Variants in ERAP2 observed in about 807,000 individuals in gnomAD.
ERAP2 encodes leukocyte-derived arginine aminopeptidase.
A neutral mutation model predicts 111.1 loss-of-function variants in ERAP2; 118 were observed. The observed-to-expected ratio is 1.06, with a 90% CI of 0.92 to 1.24. The LOEUF is 1.24. Ranked by LOEUF, ERAP2 falls within the 50% of genes most tolerant of loss-of-function variation. ERAP2 has a pLI of 0.00. For synonymous variants in ERAP2, 410 were observed against 401.2 expected (o/e 1.02, Z -0.26); for missense variants, 1,131 against 1,125.8 (o/e 1.00, Z -0.07).
intron 18 of ERAP2, among the ~76,000 whole-genome samples, chr5:96,916,150 G>C (rs915309164): frequency 6.6e-6 from 1 of 152,014 alleles, no homozygotes; most frequent in Non-Finnish European, 1.5e-5. Context: ...GGACCCAGGA[G>C]GCGGAGGTTG....
chr5:96,892,600 G>A, intron 6 of ERAP2, 147 bp downstream of exon 6: 1 of 854,920 alleles, frequency 1.2e-6, no homozygotes, highest in Non-Finnish European at 1.8e-6. Flanking sequence ...ACGTCAAGTA[G>A]CACAGTACTC....
intron 2 of ERAP2, chr5:96,881,303 GGGCCA>G (rs1282044544): frequency 2.4e-6 from 1 of 408,950 alleles, no homozygotes; most frequent in Non-Finnish European, 4.9e-6. Context: ...ATGCTAATTT[GGGCCA>G]GGCTAGTGGC....
intron 3 of ERAP2, 141 bp downstream of exon 3, chr5:96,884,071 T>A: frequency 1.8e-6 from 1 of 562,478 alleles, no homozygotes; most frequent in Non-Finnish European, 2.9e-6. Context: ...TCTATCTATC[T>A]ATCTATCTAT....
At chr5:96,899,450 A>T (rs1785220356) in intron 9 of ERAP2, among the ~76,000 whole-genome samples, 1 of 152,226 alleles carries the variant, frequency 6.6e-6, no homozygotes. Context: ...CTTGAGAATG[A>T]GAAGAATTAG....
intron 4 of ERAP2, among the ~76,000 whole-genome samples, chr5:96,887,214 A>G (rs1287310272): frequency 6.6e-6 from 1 of 151,624 alleles, no homozygotes; most frequent in Non-Finnish European, 1.5e-5. Flanking sequence ...ATGTCATTTA[A>G]AATTTTAAAT....
chr5:96,885,197 A>G (rs958329435), intron 3 of ERAP2, among the ~76,000 whole-genome samples: 2 of 152,060 alleles, frequency 1.3e-5, no homozygotes, highest in African/African-American at 4.8e-5. Flanking sequence ...TCACAGCCTC[A>G]CGCCTCTGCC....
chr5:96,886,670 C>T lies in ERAP2; in HGVS notation c.730C>T (p.Leu244Phe). ...SNMPKVKTIE[L>F]EGGLLEDHFE... ...CTTTCTGTAGGTTAAGACAATTGAACTTGAAGGAGGTCTTTTGGAAGATCA... is the reference window on the plus strand; with the variant it reads ...CTTTCTGTAGGTTAAGACAATTGAATTTGAAGGAGGTCTTTTGGAAGATCA... Residue 244 changes from leucine (L) to phenylalanine (F), a missense_variant, in exon 4 of 19, where the codon CTT becomes TTT. Physicochemically the swap from Leu to Phe is conservative, Grantham distance 22. Coordinates refer to ENST00000437043, the MANE Select transcript of ERAP2 (RefSeq NM_022350.5). 6.5e-7 allele frequency: 1 copy of T among 1,536,908 alleles called. No individual in the cohort carries two copies. The highest frequency in any genetic ancestry group is 8.9e-7 in the Non-Finnish European group (1 of 1,127,400).
chr5:96,903,607 AC>A, intron 13 of ERAP2, 47 bp downstream of exon 13: 1 of 1,505,588 alleles, frequency 6.6e-7, no homozygotes, highest in Non-Finnish European at 9.0e-7. Context: ...CTGATTCGTA[AC>A]CAGATATGCT....
intron 9 of ERAP2, among the ~76,000 whole-genome samples, chr5:96,899,357 T>C (rs978088375): frequency 6.6e-6 from 1 of 152,216 alleles, no homozygotes; most frequent in Non-Finnish European, 1.5e-5. Context: ...AAGGGCCCTG[T>C]AGTATTAAAA....
At chr5:96,909,486 T>C (rs1581897034) in intron 14 of ERAP2, 94 bp from the exon 15 acceptor site, 2 of 925,722 alleles carry the variant, frequency 2.2e-6, no homozygotes, top group African/African-American at 1.6e-5. Flanking sequence ...TTGGGAAAGA[T>C]GCAGAAAGTT....
chr5:96,902,244 G>C, intron 11 of ERAP2, 30 bp from the exon 12 acceptor site: 1 of 1,454,294 alleles, frequency 6.9e-7, no homozygotes, highest in African/African-American at 1.4e-5. Flanking sequence ...CATTCTTTTG[G>C]TCTGTAACTA....
In ERAP2 at chr5:96,879,841, T is replaced by C; in HGVS notation, c.156T>C (p.Ala52=). The C allele has an allele frequency of 1.9e-6, 3 of 1,614,098 alleles. No individual in the cohort carries two copies. Among genetic ancestry groups the C allele is most frequent in the Non-Finnish European group, 2.5e-6 (3 of 1,180,020 alleles). Residue 52 remains alanine (A), a synonymous_variant, in exon 2 of 19, where the codon GCT becomes GCC. Transcript: ENST00000437043. The part of the protein sequence containing the change: ...SSYHFTEDPG[A]FPVATNGERF... The stretch of plus-strand genomic sequence containing the variant: ...ATCACTTCACTGAGGATCCTGGGGC[T>C]TTCCCAGTAGCCACTAATGGGGAAC...
chr5:96,889,025 A>G (rs1581818013), intron 4 of ERAP2, among the ~76,000 whole-genome samples, 160 bp from the exon 5 acceptor site: 2 of 152,176 alleles, frequency 1.3e-5, no homozygotes, highest in Admixed American at 1.3e-4. Flanking sequence ...TTGCTTTAAT[A>G]CTTCACAGAA....
In ERAP2 at chr5:96,914,715, A is replaced by C. The variant is rs545924223; in HGVS notation, c.2658-973A>C. 1.1e-4 allele frequency among the ~76,000 whole-genome samples: 17 copies of C among 152,304 alleles called. No individual in the cohort carries two copies. In the East Asian group the frequency reaches 3.3e-3, roughly 29 times the overall value. On this transcript the variant is annotated intron_variant, in intron 17 of 18. Transcript: ENST00000437043. ...CTGTAGTACAAGTTTTCCATATATAAAACATTGGGTTGAAGGATGCATTCT... is the reference window on the plus strand; with the variant it reads ...CTGTAGTACAAGTTTTCCATATATACAACATTGGGTTGAAGGATGCATTCT...
At chr5:96,900,281 T>G (rs966392017) in intron 10 of ERAP2, 92 bp downstream of exon 10, 1 of 1,493,058 alleles carries the variant, frequency 6.7e-7, no homozygotes, top group African/African-American at 1.4e-5. Flanking sequence ...ACCTGTCCCT[T>G]TTAAAAGCTG....
At chr5:96,905,672 C>T (rs1261099164) in intron 13 of ERAP2, among the ~76,000 whole-genome samples, 1 of 152,066 alleles carries the variant, frequency 6.6e-6, no homozygotes, top group Non-Finnish European at 1.5e-5. Flanking sequence ...TCACTTGAAG[C>T]CAGGAGTTTG....
In ERAP2 at chr5:96,880,218, G is replaced by C. The variant is rs564736676; in HGVS notation, c.533G>C (p.Gly178Ala). The change falls in exon 2 of 19, where the codon GGG becomes GCG. Residue 178 changes from glycine to alanine, a missense_variant. Gly to Ala is a moderately conservative substitution (Grantham distance 60, BLOSUM62 0). Around this residue, in one of 3 missense-constraint regions of ERAP2, gnomAD observed 847 missense variants for 856.5 expected, o/e 0.99. Coordinates refer to ENST00000437043, the MANE Select transcript of ERAP2 (RefSeq NM_022350.5). Reference protein sequence around the residue: ...FQAKLGDGFEGFYKSTYRTLG... With the variant: ...FQAKLGDGFEAFYKSTYRTLG... ...GCCAAGTTAGGTGATGGCTTTGAAG[G>C]GTTTTATAAAAGCACATACAGAACT... is the stretch of plus-strand genomic sequence containing the variant. 1.2e-4 allele frequency: 198 copies of C among 1,613,752 alleles called. No individual in the cohort carries two copies. Among genetic ancestry groups the C allele is most frequent in the Non-Finnish European group, 1.6e-4 (185 of 1,179,944 alleles).
intron 9 of ERAP2, 106 bp downstream of exon 9, chr5:96,896,969 T>A: frequency 3.3e-6 from 3 of 916,584 alleles, no homozygotes; most frequent in Non-Finnish European, 4.6e-6. Flanking sequence ...ACCATATTTA[T>A]TCTGCTTGCT....
intron 9 of ERAP2, 53 bp downstream of exon 9, chr5:96,896,916 G>A (rs919654303): frequency 6.7e-7 from 1 of 1,485,170 alleles, no homozygotes; most frequent in African/African-American, 1.4e-5. Context: ...GAAAGTAACA[G>A]AATAATTGTG....
Sources: gnomAD v4.1 joint callset for allele counts (sites outside exome capture counted in the v4.1 genomes callset) on GRCh38, gnomAD v4.1.1 for gene constraint, gnomAD v4.1.1 regional missense constraint, MANE v1.5 for transcripts, NCBI Gene and HGNC (gene_info 2026-07-23, HGNC 2026-07-21) for gene names.